Variants in NRIP1 observed in about 807,000 individuals in gnomAD.
The protein encoded by NRIP1 is nuclear receptor interacting protein 1.
NRIP1 carries 28 observed loss-of-function variants against 75.0 expected under a neutral mutation model. The ratio of observed to expected loss-of-function variants is 0.37; its 90% CI spans 0.28 to 0.51. The LOEUF (loss-of-function observed/expected upper bound fraction) is 0.51, where lower values mean the gene tolerates loss of function less well. NRIP1 is among the 20% of genes least tolerant of loss of function. The pLI, the probability that NRIP1 is intolerant of heterozygous loss-of-function variation, is 0.92. For synonymous variants in NRIP1, 526 were observed against 487.6 expected (o/e 1.08, Z -1.04); for missense variants, 1,435 against 1,343.7 (o/e 1.07, Z -1.06).
At chr21:15,032,751 A>G (rs2088735629) in intron 2 of NRIP1, among the ~76,000 whole-genome samples, 1 of 152,216 alleles carries the variant, frequency 6.6e-6, no homozygotes. Context: ...GTCACACTAC[A>G]TTCAGGAAAT....
chr21:15,012,593 C>CA (rs2088132918), intron 3 of NRIP1, among the ~76,000 whole-genome samples: 1 of 151,594 alleles, frequency 6.6e-6, no homozygotes, highest in Non-Finnish European at 1.5e-5. Flanking sequence ...ACTGGGACTA[C>CA]AGGCACGCGC....
At chr21:14,977,451 A>G (rs1436996456) in intron 3 of NRIP1, among the ~76,000 whole-genome samples, 1 of 152,220 alleles carries the variant, frequency 6.6e-6, no homozygotes, top group East Asian at 1.9e-4. Context: ...CCAAGGGCCA[A>G]TGAAAAGTTA....
chr21:15,035,468 A>G (rs1223879186), intron 2 of NRIP1, among the ~76,000 whole-genome samples: 2 of 152,168 alleles, frequency 1.3e-5, no homozygotes, highest in African/African-American at 4.8e-5. Context: ...TAAAGTAACC[A>G]AGATGAAGAG....
At chr21:15,057,164 G>A (rs1228575012) in intron 1 of NRIP1, among the ~76,000 whole-genome samples, 2 of 143,366 alleles carry the variant, frequency 1.4e-5, no homozygotes, top group Admixed American at 6.9e-5. Context: ...TGAAGATAGG[G>A]TAATTAAAAA....
chr21:15,022,718 T>C (rs2088408461), intron 2 of NRIP1, among the ~76,000 whole-genome samples: 1 of 152,184 alleles, frequency 6.6e-6, no homozygotes, highest in Non-Finnish European at 1.5e-5. Context: ...GGTGGGAATG[T>C]AAAATGCAGT....
chr21:15,044,839 T>A (rs896722578), intron 1 of NRIP1, among the ~76,000 whole-genome samples: 1 of 152,152 alleles, frequency 6.6e-6, no homozygotes, highest in Non-Finnish European at 1.5e-5. Flanking sequence ...TCTTGCTTAT[T>A]GTTATTCTCC....
Position 14,968,124 on chromosome 21 carries a change from T to G in NRIP1, c.69A>C (p.Gly23=). Residue 23 remains glycine (G), a synonymous_variant, in exon 4 of 4, where the codon GGA becomes GGC. Coordinates refer to ENST00000318948, the MANE Select transcript of NRIP1 (RefSeq NM_003489.4). ...CCCCTGCTGCCTGATGCATTAGTAA[T>G]CCTTCTAGGTAAGTTAAAACAATAG... is the stretch of plus-strand genomic sequence containing the variant. The part of the protein sequence containing the change: ...QDSIVLTYLE[G]LLMHQAAGGS... 6.2e-7 allele frequency: 1 copy of G among 1,614,052 alleles called. No individual in the cohort carries two copies. Among genetic ancestry groups the G allele is most frequent in the Non-Finnish European group, 8.5e-7 (1 of 1,179,980 alleles).
chr21:15,055,499 G>C (rs903272810), intron 1 of NRIP1, among the ~76,000 whole-genome samples: 1 of 152,060 alleles, frequency 6.6e-6, no homozygotes, highest in African/African-American at 2.4e-5. Context: ...AGACTTTTAT[G>C]AAGACCATGA....
intron 2 of NRIP1, among the ~76,000 whole-genome samples, chr21:15,039,181 TTTC>T (rs1382794318): frequency 1.3e-5 from 2 of 152,074 alleles, no homozygotes; most frequent in African/African-American, 4.8e-5. Flanking sequence ...GAGAAATGAT[TTTC>T]TTTTCTTACT....
In NRIP1 at chr21:14,997,728, CATAA is replaced by C. The variant is rs911966781; in HGVS notation, c.-335+16612_-335+16615del. Among the ~76,000 whole-genome samples, 6 of 148,480 alleles carry C rather than the reference CATAA, an allele frequency of 4.0e-5. No individual in the cohort carries two copies. In the East Asian group the frequency reaches 7.8e-4, roughly 19 times the overall value. Reference sequence around the variant, plus strand: ...ATATTTTTATATTTATATATATACACATAAATATATTTATATATACAATTTATAT... The same window carrying C: ...ATATTTTTATATTTATATATATACACATATATTTATATATACAATTTATAT... On this transcript the variant is annotated intron_variant, in intron 3 of 3. Coordinates refer to ENST00000318948, the MANE Select transcript of NRIP1 (RefSeq NM_003489.4).
chr21:15,024,809 A>G (rs1042406613), intron 2 of NRIP1, among the ~76,000 whole-genome samples: 9 of 152,308 alleles, frequency 5.9e-5, no homozygotes, highest in African/African-American at 1.9e-4. Flanking sequence ...TAAAAAATTT[A>G]AGACATAAAA....
upstream of NRIP1, chr21:15,065,061 C>G (rs1437775811): frequency 6.5e-6 from 1 of 154,892 alleles, no homozygotes; most frequent in Non-Finnish European, 1.4e-5. Context: ...CTCCCTCCGC[C>G]GCCGAGTCCG....
chr21:15,019,405 C>T (rs1023002570), intron 2 of NRIP1, among the ~76,000 whole-genome samples: 1 of 142,514 alleles, frequency 7.0e-6, no homozygotes, highest in African/African-American at 2.6e-5. Flanking sequence ...CTACAAGAAA[C>T]CCAAAATAAT....
Position 14,967,300 on chromosome 21 carries a change from A to T in NRIP1, c.893T>A (p.Leu298His). The T allele has an allele frequency of 6.2e-7, 1 of 1,614,048 alleles. No individual in the cohort carries two copies. The highest frequency in any genetic ancestry group is 8.5e-7 in the Non-Finnish European group (1 of 1,179,972). The change falls in exon 4 of 4, where the codon CTT becomes CAT. Residue 298 changes from leucine to histidine, a missense_variant. Coordinates refer to ENST00000318948, the MANE Select transcript of NRIP1 (RefSeq NM_003489.4). The stretch of plus-strand genomic sequence containing the variant: ...TTCTTGCAATCTGGCCATAGCAGCA[A>T]GTCTTTCACTTGCTGCTTGATTTGC... ...QNANQAASER[L>H]AAMARLQENG...
chr21:14,978,124 G>A (rs373176706), intron 3 of NRIP1, among the ~76,000 whole-genome samples: 74 of 152,270 alleles, frequency 4.9e-4, no homozygotes, highest in African/African-American at 1.7e-3. Flanking sequence ...GTAAAATAGT[G>A]TCATTCACAT....
At chr21:15,029,620 A>G (rs191486441) in intron 2 of NRIP1, among the ~76,000 whole-genome samples, 14 of 152,224 alleles carry the variant, frequency 9.2e-5, no homozygotes, top group African/African-American at 3.1e-4. Flanking sequence ...TTCTATCCCC[A>G]GGACTTAGAA....
At chr21:15,010,299 T>G (rs2088072062) in intron 3 of NRIP1, among the ~76,000 whole-genome samples, 1 of 152,136 alleles carries the variant, frequency 6.6e-6, no homozygotes, top group South Asian at 2.1e-4. Flanking sequence ...GACCAGGGTC[T>G]GTGTAAGAAG....
At chr21:15,061,042 C>T (rs999602263) in intron 1 of NRIP1, among the ~76,000 whole-genome samples, 4 of 152,116 alleles carry the variant, frequency 2.6e-5, no homozygotes, top group Non-Finnish European at 5.9e-5. Context: ...CCCCCTCCCC[C>T]AAAAGTCCCT....
chr21:15,054,299 CG>C (rs2089262092), intron 1 of NRIP1, among the ~76,000 whole-genome samples: 1 of 152,112 alleles, frequency 6.6e-6, no homozygotes, highest in Non-Finnish European at 1.5e-5. Context: ...GCCCAGCTGG[CG>C]GGTCCCTTTG....
Sources: gnomAD v4.1 joint callset for allele counts (sites outside exome capture counted in the v4.1 genomes callset) on GRCh38, gnomAD v4.1.1 for gene constraint, MANE v1.5 for transcripts, NCBI Gene and HGNC (gene_info 2026-07-23, HGNC 2026-07-21) for gene names.